The following MEP1A variants were observed in gnomAD, a reference collection of about 807,000 sequenced individuals.
MEP1A encodes meprin A subunit alpha.
In MEP1A, 68 loss-of-function variants were observed where a neutral mutation model predicts 84.5. The observed-to-expected ratio is 0.80, with a 90% CI of 0.66 to 0.98. The LOEUF is 0.98. Among genes scored for constraint, MEP1A ranks in the 50% least tolerant of loss-of-function variants. The pLI is 0.00. For synonymous variants in MEP1A, 337 were observed against 336.8 expected, an observed-to-expected ratio of 1.00 and a Z score of -0.01; for missense variants, 887 against 919.9, an observed-to-expected ratio of 0.96 and a Z score of 0.46.
At chr6:46,799,246 A>C in intron 5 of MEP1A, 65 bp downstream of exon 5, 3 of 1,111,254 alleles carry the variant, frequency 2.7e-6, no homozygotes, top group Non-Finnish European at 4.1e-6. Flanking sequence ...CAGCCTGTCC[A>C]TGGGCTTCAC....
At chr6:46,832,568 G>A (rs1186103424) in intron 10 of MEP1A, among the ~76,000 whole-genome samples, 1 of 152,180 alleles carries the variant, frequency 6.6e-6, no homozygotes, top group Non-Finnish European at 1.5e-5. Flanking sequence ...GTTGGAGAGG[G>A]AGTCAGTTTT....
rs1401533257 is a variant in MEP1A at position 46,824,819 on chromosome 6, T to G, written c.557-453T>G. Among the ~76,000 whole-genome samples the G allele has an allele frequency of 2.4e-5, 3 of 124,602 alleles. 1 individual carries two copies. The highest frequency in any genetic ancestry group is 9.6e-5 in the African/African-American group (3 of 31,162). 81.7% of individuals were successfully genotyped at this position (124,602 alleles called of 152,430 possible). A position where few individuals can be genotyped will look rare whatever the true frequency, so the allele number is the denominator to read the frequency against. On this transcript the variant is annotated intron_variant, in intron 7 of 13. Transcript: ENST00000230588. ...AATATATATAAATGATGTATTTAAT[T>G]AGATGTATTTAAATATATATAAATT...
At chr6:46,832,487 C>T (rs914032435) in intron 10 of MEP1A, among the ~76,000 whole-genome samples, 2 of 152,128 alleles carry the variant, frequency 1.3e-5, no homozygotes, top group Non-Finnish European at 1.5e-5. Context: ...CAATAGTACT[C>T]TATTTGGCTT....
At chr6:46,814,021 G>A (rs9395215) in intron 6 of MEP1A, among the ~76,000 whole-genome samples, 106,214 of 152,002 alleles carry the variant, frequency 0.7, 38,124 homozygotes, top group African/African-American at 0.86. Flanking sequence ...CCTGATGACT[G>A]TGTGCCTAGG....
chr6:46,807,516 G>T (rs146652505), intron 5 of MEP1A, among the ~76,000 whole-genome samples: 2,982 of 19,282 alleles, frequency 0.15, 72 homozygotes, highest in African/African-American at 0.31. Flanking sequence ...CTGAAATAAA[G>T]AAAGAAAGAA....
intron 9 of MEP1A, among the ~76,000 whole-genome samples, chr6:46,828,888 A>G (rs1352369816): frequency 2.1e-5 from 3 of 143,642 alleles, no homozygotes; most frequent in African/African-American, 7.9e-5. Flanking sequence ...TTATTAGGCT[A>G]GCAACAGGGG....
intron 3 of MEP1A, among the ~76,000 whole-genome samples, chr6:46,796,642 G>A (rs1400374827): frequency 2.0e-5 from 3 of 152,198 alleles, no homozygotes; most frequent in Non-Finnish European, 2.9e-5. Context: ...TTTAATAAGT[G>A]TATACTACAT....
chr6:46,824,947 A>T (rs1342007018), intron 7 of MEP1A, among the ~76,000 whole-genome samples: 1 of 125,390 alleles, frequency 8.0e-6, no homozygotes, highest in Non-Finnish European at 1.6e-5. Flanking sequence ...TATAAATTAT[A>T]TATTTAAATA....
In MEP1A at chr6:46,809,555, C is replaced by T. The variant is rs753958749; in HGVS notation, c.380+18C>T. 44 of 1,518,750 alleles carry T rather than the reference C, an allele frequency of 2.9e-5. 1 individual carries two copies. Among genetic ancestry groups the T allele is most frequent in the Middle Eastern group, 3.4e-4 (2 of 5,850 alleles). The allele number at this position is 1,518,750 out of a possible 1,614,324, so 94.1% of individuals were successfully genotyped here. A position where few individuals can be genotyped will look rare whatever the true frequency, so the allele number is the denominator to read the frequency against. Reference sequence around the variant, plus strand: ...TTTGATGGGTTGGTATGAAATTTTACGGAGTGAAAATCATGCATACTTTGG... The same window carrying T: ...TTTGATGGGTTGGTATGAAATTTTATGGAGTGAAAATCATGCATACTTTGG... On this transcript the variant is annotated intron_variant, in intron 6 of 13. Coordinates refer to ENST00000230588, the MANE Select transcript of MEP1A (RefSeq NM_005588.3).
chr6:46,826,416 C>G lies in MEP1A; in HGVS notation c.841C>G (p.Gln281Glu). Residue 281 changes from glutamine (Q) to glutamate (E), a missense_variant, in exon 9 of 14, where the codon CAG (glutamine) becomes GAG (glutamate). Physicochemically the swap from Gln to Glu is conservative, Grantham distance 29 (BLOSUM62 2). Transcript: ENST00000230588. ...FEKANICGMI[Q>E]GTRDDTDWAH... ...GAAGGCAAACATCTGTGGAATGATT[C>G]AGGGCACCAGAGATGACACTGACTG... 1 of 1,610,088 alleles carries G rather than the reference C, an allele frequency of 6.2e-7. No homozygotes were observed. Among genetic ancestry groups the G allele is most frequent in the East Asian group, 2.2e-5 (1 of 44,822 alleles).
At chr6:46,805,614 T>C (rs1343163285) in intron 5 of MEP1A, among the ~76,000 whole-genome samples, 1 of 152,004 alleles carries the variant, frequency 6.6e-6, no homozygotes. Context: ...CAGTGTCTGA[T>C]AATAAATCAT....
At chr6:46,796,116 A>G (rs553053613) in intron 3 of MEP1A, among the ~76,000 whole-genome samples, 13 of 152,276 alleles carry the variant, frequency 8.5e-5, no homozygotes, top group Admixed American at 1.3e-4. Flanking sequence ...TCCCCAAGCC[A>G]GCAGCATCGG....
At chr6:46,807,807 G>GA (rs1562107071) in intron 5 of MEP1A, among the ~76,000 whole-genome samples, 1 of 148,682 alleles carries the variant, frequency 6.7e-6, no homozygotes, top group African/African-American at 2.5e-5. Flanking sequence ...AAGAAAGAAA[G>GA]AAAGAAAGAA....
intron 3 of MEP1A, among the ~76,000 whole-genome samples, chr6:46,795,617 A>C (rs888705669): frequency 1.3e-5 from 2 of 152,120 alleles, no homozygotes; most frequent in African/African-American, 4.8e-5. Flanking sequence ...CTTTCAAATC[A>C]TACTACAGTT....
At chr6:46,830,754 T>C (rs985982998) in intron 10 of MEP1A, among the ~76,000 whole-genome samples, 2 of 152,178 alleles carry the variant, frequency 1.3e-5, no homozygotes, top group East Asian at 3.9e-4. Flanking sequence ...AAATCGCCTA[T>C]ATCCAAGCCA....
chr6:46,823,589 G>T (rs956927428), intron 7 of MEP1A, among the ~76,000 whole-genome samples: 7 of 152,310 alleles, frequency 4.6e-5, no homozygotes, highest in South Asian at 4.1e-4. Flanking sequence ...ACCAGCCTGG[G>T]CAACAGAGCA....
chr6:46,819,769 G>A (rs144959945), intron 7 of MEP1A, 65 bp downstream of exon 7: 14 of 1,536,604 alleles, frequency 9.1e-6, no homozygotes, highest in Middle Eastern at 1.8e-4. Context: ...AGATGACCAA[G>A]CCAAATCTGT....
rs575543155 is a variant in MEP1A, at chr6:46,816,827, T to C, written c.381-2702T>C. On this transcript the variant is annotated intron_variant, in intron 6 of 13. Coordinates refer to ENST00000230588, the MANE Select transcript of MEP1A (RefSeq NM_005588.3). ...GACTGTAGGCTTTTCCCCACTTCCT[T>C]GGCAACCTGTATGACTCAGCAGGGG... Among the ~76,000 whole-genome samples the C allele has an allele frequency of 3.3e-5, 5 of 152,214 alleles. No individual in the cohort carries two copies. The South Asian group carries it at 1.0e-3, about 32-fold the overall frequency.
chr6:46,824,998 C>A lies in MEP1A; in HGVS notation c.557-274C>A, dbSNP rs1318559384. Among the ~76,000 whole-genome samples, 8 of 71,414 alleles carry A rather than the reference C, an allele frequency of 1.1e-4. 1 individual carries two copies. Among genetic ancestry groups the A allele is most frequent in the Non-Finnish European group, 1.7e-4 (5 of 29,040 alleles). The allele number at this position is 71,414 out of a possible 152,430, so 46.9% of individuals were successfully genotyped here. On this transcript the variant is annotated intron_variant, in intron 7 of 13. Coordinates refer to ENST00000230588, the MANE Select transcript of MEP1A (RefSeq NM_005588.3). Reference sequence around the variant, plus strand: ...ATATAAATTATATATTTAAATAGATCTATTTAAGTATATATAAATTATATA... The same window carrying A: ...ATATAAATTATATATTTAAATAGATATATTTAAGTATATATAAATTATATA...
Sources: allele counts gnomAD v4.1 joint callset (sites outside exome capture counted in the v4.1 genomes callset), GRCh38; gene constraint gnomAD v4.1.1; transcripts MANE v1.5; gene names NCBI Gene and HGNC (gene_info 2026-07-23, HGNC 2026-07-21).